The following ANKS1B variants were observed in gnomAD, a reference collection of about 807,000 sequenced individuals.
ANKS1B encodes ankyrin repeat and sterile alpha motif domain containing 1B.
In ANKS1B, 36 loss-of-function variants were observed where a neutral mutation model predicts 148.3. The observed-to-expected ratio is 0.24, with a 90% confidence interval of 0.19 to 0.32. ANKS1B has a LOEUF of 0.32. Ranked by LOEUF, ANKS1B falls within the 10% of genes least tolerant of loss-of-function variation. The pLI, the probability that ANKS1B is intolerant of heterozygous loss-of-function variation, is 1.00. For synonymous variants in ANKS1B, 542 were observed against 560.8 expected (o/e 0.97, Z 0.47); for missense variants, 1,157 against 1,542.6 (o/e 0.75, Z 4.19).
In ANKS1B at chr12:98,981,048, G is replaced by A. The variant is rs567645355; in HGVS notation, c.2778+72109C>T. On this transcript the variant is annotated intron_variant, in intron 17 of 26. Transcript: ENST00000683438. The stretch of plus-strand genomic sequence containing the variant: ...AGGCCAGGCATGGTGGCTCATATCT[G>A]TAATCCCAGCACTTTGGGAGGCTGA... Among the ~76,000 whole-genome samples, 4 of 151,622 alleles carry A rather than the reference G, an allele frequency of 2.6e-5. No individual in the cohort carries two copies. In the East Asian group the frequency reaches 7.8e-4, roughly 30 times the overall value.
chr12:99,621,995 A>G (rs1329974670), intron 9 of ANKS1B, among the ~76,000 whole-genome samples: 1 of 152,100 alleles, frequency 6.6e-6, no homozygotes, highest in Admixed American at 6.6e-5. Context: ...GATCAACCAC[A>G]TGCTTGACCA....
At chr12:98,975,660 T>C (rs1291223822) in intron 17 of ANKS1B, among the ~76,000 whole-genome samples, 1 of 152,112 alleles carries the variant, frequency 6.6e-6, no homozygotes, top group Non-Finnish European at 1.5e-5. Flanking sequence ...TTTTTTTTGT[T>C]GTTTTATATA....
At chr12:99,171,878 C>T (rs1218131574) in intron 14 of ANKS1B, among the ~76,000 whole-genome samples, 1 of 151,916 alleles carries the variant, frequency 6.6e-6, no homozygotes, top group Non-Finnish European at 1.5e-5. Flanking sequence ...GTGTTAGGAC[C>T]AGGGAGGAAA....
At chr12:98,785,913 C>T (rs182514576) in intron 22 of ANKS1B, among the ~76,000 whole-genome samples, 59 of 152,234 alleles carry the variant, frequency 3.9e-4, no homozygotes, top group African/African-American at 7.7e-4. Context: ...CAAGGCGAAC[C>T]TTCTGTTATC....
intron 12 of ANKS1B, among the ~76,000 whole-genome samples, chr12:99,328,275 C>G (rs2086862543): frequency 6.6e-6 from 1 of 151,874 alleles, no homozygotes; most frequent in East Asian, 1.9e-4. Context: ...ACTTGACAGT[C>G]TGAGAAGACA....
intron 10 of ANKS1B, among the ~76,000 whole-genome samples, chr12:99,482,291 T>C (rs2096423433): frequency 6.6e-6 from 1 of 152,062 alleles, no homozygotes; most frequent in African/African-American, 2.4e-5. Context: ...AGGGTGTCCA[T>C]TCCCAAATTT....
chr12:99,181,932 T>C (rs1003054978), intron 14 of ANKS1B, among the ~76,000 whole-genome samples: 4 of 152,132 alleles, frequency 2.6e-5, no homozygotes, highest in African/African-American at 4.8e-5. Flanking sequence ...TTTGTACCCA[T>C]TAATCATCTC....
At chr12:99,193,304 C>T (rs991191722) in intron 14 of ANKS1B, among the ~76,000 whole-genome samples, 4 of 152,102 alleles carry the variant, frequency 2.6e-5, no homozygotes, top group African/African-American at 4.8e-5. Flanking sequence ...AAAGAGTTAT[C>T]GACCTATCTC....
At chr12:99,862,623 C>G (rs371620907) in intron 1 of ANKS1B, among the ~76,000 whole-genome samples, 2 of 152,314 alleles carry the variant, frequency 1.3e-5, no homozygotes, top group South Asian at 2.1e-4. Context: ...GAATGCTATT[C>G]AGTTATCAAA....
At chr12:98,913,311 C>A (rs2099789236) in intron 17 of ANKS1B, among the ~76,000 whole-genome samples, 1 of 152,144 alleles carries the variant, frequency 6.6e-6, no homozygotes, top group Non-Finnish European at 1.5e-5. Flanking sequence ...CTAGCTTGGA[C>A]CTCAACCCCT....
At chr12:99,274,142 T>C (rs1339443777) in intron 12 of ANKS1B, among the ~76,000 whole-genome samples, 3 of 152,112 alleles carry the variant, frequency 2.0e-5, no homozygotes, top group Non-Finnish European at 2.9e-5. Context: ...AATAAGGAGT[T>C]TTGTAAGCAT....
intron 12 of ANKS1B, among the ~76,000 whole-genome samples, chr12:99,326,773 A>G (rs1354042781): frequency 6.6e-6 from 1 of 151,318 alleles, no homozygotes; most frequent in African/African-American, 2.4e-5. Context: ...ATGGCACTTG[A>G]TATTAGCATT....
chr12:99,719,576 C>A (rs990402207), intron 8 of ANKS1B, among the ~76,000 whole-genome samples: 3 of 152,144 alleles, frequency 2.0e-5, no homozygotes, highest in Non-Finnish European at 2.9e-5. Flanking sequence ...GCTCTGCCCC[C>A]CTCCACTACC....
intron 19 of ANKS1B, among the ~76,000 whole-genome samples, chr12:98,809,696 C>A (rs1156529346): frequency 6.6e-6 from 1 of 152,094 alleles, no homozygotes; most frequent in Admixed American, 6.6e-5. Context: ...TCTACTGACC[C>A]TGAAATGAAC....
At chr12:98,893,319 A>C (rs1486921974) in intron 17 of ANKS1B, among the ~76,000 whole-genome samples, 2 of 152,178 alleles carry the variant, frequency 1.3e-5, no homozygotes, top group Non-Finnish European at 2.9e-5. Context: ...CAGAGCCGTC[A>C]ACATTACGGA....
intron 17 of ANKS1B, among the ~76,000 whole-genome samples, chr12:98,931,064 C>G (rs954483190): frequency 6.6e-6 from 1 of 151,934 alleles, no homozygotes; most frequent in Non-Finnish European, 1.5e-5. Context: ...TTTTAAGGCA[C>G]GAGGAGCAAT....
intron 2 of ANKS1B, among the ~76,000 whole-genome samples, chr12:99,816,300 G>T (rs1313076322): frequency 1.3e-5 from 2 of 151,758 alleles, no homozygotes; most frequent in African/African-American, 4.8e-5. Context: ...TTTGAGAAAT[G>T]TCTATTCATC....
At chr12:99,235,894 C>T (rs2087819163) in intron 14 of ANKS1B, among the ~76,000 whole-genome samples, 1 of 152,120 alleles carries the variant, frequency 6.6e-6, no homozygotes. Context: ...CCTGCATATT[C>T]TTTTTAGTGA....
At chr12:99,448,752 GAA>G (rs1216660255) in intron 10 of ANKS1B, among the ~76,000 whole-genome samples, 1 of 151,988 alleles carries the variant, frequency 6.6e-6, no homozygotes, top group Non-Finnish European at 1.5e-5. Context: ...TATAGGGAGA[GAA>G]AGAGAGAAAT....
Sources: gnomAD v4.1 joint callset for allele counts (sites outside exome capture counted in the v4.1 genomes callset) on GRCh38, gnomAD v4.1.1 for gene constraint, MANE v1.5 for transcripts, NCBI Gene and HGNC (gene_info 2026-07-23, HGNC 2026-07-21) for gene names.